Variants in ROCK1 observed in about 807,000 individuals in gnomAD.
ROCK1 encodes rho-associated protein kinase 1.
A neutral mutation model predicts 196.8 loss-of-function variants in ROCK1; 36 were observed. The ratio of observed to expected loss-of-function variants is 0.18; its 90% confidence interval spans 0.14 to 0.24. The LOEUF (loss-of-function observed/expected upper bound fraction) is 0.24, where lower values mean the gene tolerates loss of function less well. ROCK1 is among the 10% of genes least tolerant of loss of function. The pLI, the probability that ROCK1 is intolerant of heterozygous loss-of-function variation, is 1.00. For synonymous variants in ROCK1, 443 were observed against 515.9 expected, an observed-to-expected ratio of 0.86 and a Z score of 1.91; for missense variants, 920 against 1,562.0, an observed-to-expected ratio of 0.59 and a Z score of 6.93.
chr18:21,093,633 T>C (rs1040856971), intron 1 of ROCK1, among the ~76,000 whole-genome samples: 2 of 152,034 alleles, frequency 1.3e-5, no homozygotes, highest in African/African-American at 2.4e-5. Context: ...AAAGTTCTCA[T>C]GTGACCCTAC....
At chr18:20,992,705 T>A (rs1324021914) in intron 17 of ROCK1, 126 bp downstream of exon 17, 1 of 587,900 alleles carries the variant, frequency 1.7e-6, no homozygotes, top group East Asian at 2.9e-5. Context: ...CAATCAAACA[T>A]AAAAACTTTT....
At chr18:21,017,993 A>T (rs1416163063) in intron 12 of ROCK1, among the ~76,000 whole-genome samples, 1 of 151,968 alleles carries the variant, frequency 6.6e-6, no homozygotes, top group Non-Finnish European at 1.5e-5. Context: ...AAAACAAAAA[A>T]AAAATAAATA....
At chr18:20,969,266 G>T in intron 23 of ROCK1, 58 bp from the exon 24 acceptor site, 2 of 1,030,244 alleles carry the variant, frequency 1.9e-6, no homozygotes, top group Non-Finnish European at 3.0e-6. Context: ...CGTATTTCAG[G>T]CAGTAACCTT....
At chr18:21,023,562 T>C in intron 11 of ROCK1, 58 bp downstream of exon 11, 1 of 940,180 alleles carries the variant, frequency 1.1e-6, no homozygotes, top group Non-Finnish European at 1.6e-6. Context: ...TACCCACAAA[T>C]ATATTATCCA....
At chr18:21,093,478 C>T (rs1173081343) in intron 1 of ROCK1, among the ~76,000 whole-genome samples, 3 of 152,138 alleles carry the variant, frequency 2.0e-5, no homozygotes, top group Non-Finnish European at 4.4e-5. Flanking sequence ...TTCAATTTTA[C>T]AGATTGAGAA....
At chr18:21,067,471 C>A (rs531003021) in intron 2 of ROCK1, among the ~76,000 whole-genome samples, 1 of 151,006 alleles carries the variant, frequency 6.6e-6, no homozygotes, top group Admixed American at 6.6e-5. Flanking sequence ...ACTGCAACCT[C>A]CACCTCCTGG....
intron 11 of ROCK1, among the ~76,000 whole-genome samples, chr18:21,020,829 T>C (rs1244023001): frequency 6.6e-6 from 1 of 152,152 alleles, no homozygotes; most frequent in Non-Finnish European, 1.5e-5. Context: ...CAGAATGTAA[T>C]AGGAAAAACA....
At position 21,018,240 on chromosome 18, in the gene ROCK1, T is replaced by A. The variant is rs537041261; in HGVS notation, c.1361+1911A>T. On this transcript the variant is annotated intron_variant, in intron 12 of 32. Coordinates refer to ENST00000399799, the MANE Select transcript of ROCK1 (RefSeq NM_005406.3). ...CTTGTCTTTTAATTTTGTTTAAAAA[T>A]TTTTTTGGGCCAGGCACGGTGGCTC... Among the ~76,000 whole-genome samples, 425 of 151,302 alleles carry A rather than the reference T, an allele frequency of 2.8e-3. 1 individual carries two copies. Among genetic ancestry groups the A allele is most frequent in the Non-Finnish European group, 4.6e-3 (313 of 67,744 alleles).
chr18:21,003,194 A>T (rs1394491887), intron 16 of ROCK1, among the ~76,000 whole-genome samples: 1 of 152,196 alleles, frequency 6.6e-6, no homozygotes, highest in East Asian at 1.9e-4. Flanking sequence ...CAGCAGATGA[A>T]ATCAGTAAAA....
chr18:20,959,313 G>C (rs1278353153), intron 29 of ROCK1, among the ~76,000 whole-genome samples: 1 of 143,062 alleles, frequency 7.0e-6, no homozygotes, highest in Admixed American at 7.6e-5. Context: ...CCAGGTTCAA[G>C]TGATTCTCCT....
rs369089316 is a variant in ROCK1 at position 20,967,021 on chromosome 18, T to C, written c.3248A>G (p.Lys1083Arg). 1.9e-5 allele frequency: 30 copies of C among 1,613,308 alleles called. No homozygotes were observed. The highest frequency in any genetic ancestry group is 3.3e-5 in the Admixed American group (2 of 59,994). Residue 1083 changes from lysine to arginine, a missense_variant, in exon 27 of 33, where the codon AAA becomes AGA. Around this residue, in one of 6 missense-constraint regions of ROCK1, gnomAD observed 116 missense variants for 204.2 expected, o/e 0.57. Coordinates refer to ENST00000399799, the MANE Select transcript of ROCK1 (RefSeq NM_005406.3). Reference protein sequence around the residue: ...RNELQMQLASKESDIEQLRAK... With the variant: ...RNELQMQLASRESDIEQLRAK... ...ACGCAATTGCTCAATATCACTCTCT[T>C]TGCTGGCCAACTGCATCTGAAGCTC...
intron 1 of ROCK1, among the ~76,000 whole-genome samples, chr18:21,103,249 T>C (rs1038551799): frequency 2.0e-5 from 3 of 152,008 alleles, no homozygotes; most frequent in African/African-American, 7.2e-5. Flanking sequence ...ATTCAAAAAA[T>C]AATGGCAAAT....
At chr18:20,970,756 T>C (rs530621817) in intron 22 of ROCK1, among the ~76,000 whole-genome samples, 4 of 152,326 alleles carry the variant, frequency 2.6e-5, no homozygotes, top group Admixed American at 2.0e-4. Flanking sequence ...AAAAAGGTCA[T>C]AAAGCAATAG....
At chr18:21,092,967 TG>T (rs2036583192) in intron 1 of ROCK1, among the ~76,000 whole-genome samples, 1 of 152,202 alleles carries the variant, frequency 6.6e-6, no homozygotes, top group Non-Finnish European at 1.5e-5. Context: ...TAATGGTAAA[TG>T]AACTCCAATT....
intron 16 of ROCK1, among the ~76,000 whole-genome samples, chr18:20,998,669 A>G (rs1416947171): frequency 6.8e-6 from 1 of 146,666 alleles, no homozygotes; most frequent in African/African-American, 2.6e-5. Flanking sequence ...CAGTGATGCA[A>G]TCTCGGCTCA....
At chr18:20,966,056 T>C (rs2035371461) in intron 27 of ROCK1, among the ~76,000 whole-genome samples, 1 of 152,236 alleles carries the variant, frequency 6.6e-6, no homozygotes, top group Non-Finnish European at 1.5e-5. Flanking sequence ...TATCTTCCTA[T>C]TTATGTATTA....
In ROCK1 at chr18:21,010,613, T is replaced by C. The variant is rs564141562; in HGVS notation, c.1411-2419A>G. 4.5e-4 allele frequency among the ~76,000 whole-genome samples: 69 copies of C among 152,352 alleles called. 2 individuals are homozygous for C. In the South Asian group the frequency reaches 0.012, roughly 27 times the overall value. On this transcript the variant is annotated intron_variant, in intron 13 of 32. Coordinates refer to ENST00000399799, the MANE Select transcript of ROCK1 (RefSeq NM_005406.3). Reference sequence around the variant, plus strand: ...TATGATTTCAGTGCTTTCAAATGTGTTTGTTTTATAGCTTGGGATGTGGTC... The same window carrying C: ...TATGATTTCAGTGCTTTCAAATGTGCTTGTTTTATAGCTTGGGATGTGGTC...
intron 12 of ROCK1, among the ~76,000 whole-genome samples, chr18:21,018,322 G>A (rs1326288443): frequency 6.6e-6 from 1 of 151,960 alleles, no homozygotes; most frequent in Non-Finnish European, 1.5e-5. Context: ...CTGAGGTCAG[G>A]AGCTCGAGAC....
intron 9 of ROCK1, among the ~76,000 whole-genome samples, chr18:21,034,871 T>C (rs1355401378): frequency 6.6e-6 from 1 of 152,188 alleles, no homozygotes; most frequent in Non-Finnish European, 1.5e-5. Flanking sequence ...GCAAACCATG[T>C]ATCTGATAAG....
Sources: gnomAD v4.1 joint callset for allele counts (sites outside exome capture counted in the v4.1 genomes callset) on GRCh38, gnomAD v4.1.1 for gene constraint, gnomAD v4.1.1 regional missense constraint, MANE v1.5 for transcripts, NCBI Gene and HGNC (gene_info 2026-07-23, HGNC 2026-07-21) for gene names.